Variants in CNTNAP2 observed in about 807,000 individuals in gnomAD.
CNTNAP2 encodes the protein contactin associated protein 2, also known as contactin-associated protein-like 2.
Under a neutral mutation model 155.2 loss-of-function variants are expected in CNTNAP2, and 98 were observed. The observed-to-expected ratio is 0.63, with a 90% CI of 0.54 to 0.75. CNTNAP2 has a LOEUF of 0.75. Among genes scored for constraint, CNTNAP2 ranks in the 30% least tolerant of loss-of-function variants. CNTNAP2 has a pLI of 0.00. For synonymous variants in CNTNAP2, 651 were observed against 631.2 expected, an observed-to-expected ratio of 1.03 and a Z score of -0.47; for missense variants, 1,727 against 1,688.1, an observed-to-expected ratio of 1.02 and a Z score of -0.40.
At chr7:146,786,601 C>T (rs573464692) in intron 2 of CNTNAP2, among the ~76,000 whole-genome samples, 18 of 152,222 alleles carry the variant, frequency 1.2e-4, no homozygotes, top group Admixed American at 5.9e-4. Context: ...ATGCTTGACG[C>T]GAATATTGCT....
At chr7:146,568,135 C>A (rs977628126) in intron 1 of CNTNAP2, among the ~76,000 whole-genome samples, 1 of 152,092 alleles carries the variant, frequency 6.6e-6, no homozygotes, top group African/African-American at 2.4e-5. Context: ...CCACCCATGT[C>A]AAGCAGACCC....
At chr7:146,227,428 C>CAAAAAAAAAAA (rs755623604) in intron 1 of CNTNAP2, among the ~76,000 whole-genome samples, 1 of 58,706 alleles carries the variant, frequency 1.7e-5, no homozygotes, top group African/African-American at 5.9e-5. Context: ...CTGTCTCAAA[C>CAAAAAAAAAAA]AAAAAAAAAA....
intron 13 of CNTNAP2, among the ~76,000 whole-genome samples, chr7:147,876,859 G>A (rs573833888): frequency 1.3e-5 from 2 of 152,160 alleles, no homozygotes; most frequent in South Asian, 4.1e-4. Context: ...ACATTAGAGG[G>A]GGGTGTGCAC....
At chr7:146,406,101 G>A (rs1048396085) in intron 1 of CNTNAP2, among the ~76,000 whole-genome samples, 1 of 152,212 alleles carries the variant, frequency 6.6e-6, no homozygotes, top group African/African-American at 2.4e-5. Context: ...CAGAGGTTCA[G>A]AGCTAAGTGG....
chr7:146,612,863 T>A (rs971424615), intron 1 of CNTNAP2, among the ~76,000 whole-genome samples: 1 of 152,032 alleles, frequency 6.6e-6, no homozygotes, highest in South Asian at 2.1e-4. Flanking sequence ...TAAAAACTAC[T>A]ATATGATCTT....
At chr7:146,438,748 T>A (rs978710817) in intron 1 of CNTNAP2, among the ~76,000 whole-genome samples, 2 of 151,560 alleles carry the variant, frequency 1.3e-5, no homozygotes, top group Non-Finnish European at 2.9e-5. Context: ...GGTTGTACAA[T>A]ATAATTTCTA....
intron 13 of CNTNAP2, among the ~76,000 whole-genome samples, chr7:147,808,378 T>C (rs1798126285): frequency 2.0e-5 from 3 of 152,196 alleles, no homozygotes; most frequent in Admixed American, 6.6e-5. Flanking sequence ...CTCATGTATG[T>C]AGTGGAAAAG....
intron 15 of CNTNAP2, among the ~76,000 whole-genome samples, chr7:147,992,901 G>T (rs1374268256): frequency 1.3e-5 from 2 of 152,046 alleles, no homozygotes; most frequent in African/African-American, 4.8e-5. Flanking sequence ...ATTCAATTTG[G>T]TAGATTACCC....
At chr7:147,455,072 C>T (rs899671742) in intron 10 of CNTNAP2, among the ~76,000 whole-genome samples, 1 of 152,038 alleles carries the variant, frequency 6.6e-6, no homozygotes, top group African/African-American at 2.4e-5. Flanking sequence ...AATGCTTCCC[C>T]GTCTTCAACT....
intron 1 of CNTNAP2, among the ~76,000 whole-genome samples, chr7:146,421,041 G>A (rs771819325): frequency 2.0e-5 from 3 of 151,974 alleles, no homozygotes; most frequent in Non-Finnish European, 2.9e-5. Context: ...AATGAACTTT[G>A]AAGTGAAAGG....
Position 147,399,546 on chromosome 7 carries a change from G to A in CNTNAP2, c.1670+3766G>A, listed in dbSNP as rs558822432. Among the ~76,000 whole-genome samples the A allele has an allele frequency of 2.6e-5, 4 of 152,270 alleles. No homozygotes were observed. The South Asian group carries it at 8.3e-4, about 32-fold the overall frequency. On this transcript the variant is annotated intron_variant, in intron 10 of 23. Coordinates refer to ENST00000361727, the MANE Select transcript of CNTNAP2 (RefSeq NM_014141.6). ...TCCAAATGATTTGCTAAGAACAGCA[G>A]GAAGAAAGGAGATGCCATCTCTTCA... is the stretch of plus-strand genomic sequence containing the variant.
intron 16 of CNTNAP2, among the ~76,000 whole-genome samples, chr7:148,121,605 A>G (rs759431887): frequency 2.6e-5 from 4 of 152,154 alleles, no homozygotes; most frequent in Non-Finnish European, 5.9e-5. Context: ...AGCGTGTCTC[A>G]GAGGAATTTG....
At chr7:147,781,084 A>G (rs1351277557) in intron 13 of CNTNAP2, among the ~76,000 whole-genome samples, 1 of 152,192 alleles carries the variant, frequency 6.6e-6, no homozygotes, top group African/African-American at 2.4e-5. Flanking sequence ...ACTATTGGTA[A>G]CTTATTAGTT....
intron 1 of CNTNAP2, among the ~76,000 whole-genome samples, chr7:146,406,670 C>T (rs1356380704): frequency 6.6e-6 from 1 of 152,112 alleles, no homozygotes; most frequent in Non-Finnish European, 1.5e-5. Context: ...CAGGCTTGGG[C>T]TGAACCTGGC....
chr7:148,217,218 GA>G (rs1795655763), intron 18 of CNTNAP2, 69 bp from the exon 19 acceptor site: 5 of 1,492,226 alleles, frequency 3.4e-6, no homozygotes, highest in Non-Finnish European at 4.7e-6. Flanking sequence ...TGAACTGCTG[GA>G]GAGGTCATTG....
chr7:147,930,259 C>T (rs1026274814), intron 14 of CNTNAP2, among the ~76,000 whole-genome samples: 1 of 151,894 alleles, frequency 6.6e-6, no homozygotes, highest in South Asian at 2.1e-4. Flanking sequence ...ACTAGACTCC[C>T]CAATCAAAAG....
chr7:147,139,188 T>C (rs1801549188), intron 8 of CNTNAP2, among the ~76,000 whole-genome samples: 2 of 152,096 alleles, frequency 1.3e-5, no homozygotes, highest in African/African-American at 4.8e-5. Flanking sequence ...CTACTTAACA[T>C]GTACAGAATG....
chr7:146,521,316 G>C (rs760012523), intron 1 of CNTNAP2, among the ~76,000 whole-genome samples: 4 of 151,902 alleles, frequency 2.6e-5, no homozygotes, highest in Non-Finnish European at 5.9e-5. Flanking sequence ...TTACTAAACA[G>C]GTGGTAGTCT....
At chr7:147,028,791 T>G (rs752869687) in intron 3 of CNTNAP2, among the ~76,000 whole-genome samples, 2 of 152,016 alleles carry the variant, frequency 1.3e-5, no homozygotes, top group Non-Finnish European at 2.9e-5. Flanking sequence ...AAGCAAAATA[T>G]TCCTGTTGAA....
Sources: allele counts gnomAD v4.1 joint callset (sites outside exome capture counted in the v4.1 genomes callset), GRCh38; gene constraint gnomAD v4.1.1; transcripts MANE v1.5; gene names NCBI Gene and HGNC (gene_info 2026-07-23, HGNC 2026-07-21).